Variants in PLA2R1 observed in about 807,000 individuals in gnomAD.
The protein encoded by PLA2R1 is secretory phospholipase A2 receptor.
A neutral mutation model predicts 195.9 loss-of-function variants in PLA2R1; 158 were observed. The ratio of observed to expected loss-of-function variants is 0.81; its 90% CI spans 0.71 to 0.92. PLA2R1 has a LOEUF of 0.92. Among genes scored for constraint, PLA2R1 ranks in the 40% least tolerant of loss-of-function variants. The probability of loss-of-function intolerance (pLI) is 0.00; values close to 1 mark genes in which losing one functional copy is unlikely to be tolerated. For synonymous variants in PLA2R1, 586 were observed against 598.2 expected (o/e 0.98, Z 0.30); for missense variants, 1,626 against 1,764.6 (o/e 0.92, Z 1.41).
chr2:159,964,528 TAGAA>T (rs1372545587), intron 20 of PLA2R1, among the ~76,000 whole-genome samples: 1 of 152,142 alleles, frequency 6.6e-6, no homozygotes, highest in East Asian at 1.9e-4. Context: ...TTATACCTGG[TAGAA>T]AGATTTTATA....
Position 160,022,991 on chromosome 2 carries a change from A to G in PLA2R1, c.1100-132T>C, listed in dbSNP as rs911385985. ...AACAGAAATATACAAAATGACATAT[A>G]TCATGGAATTCTAGATCTTCAGAGT... is the stretch of plus-strand genomic sequence containing the variant. On this transcript the variant is annotated intron_variant, in intron 6 of 29. Coordinates refer to ENST00000283243, the MANE Select transcript of PLA2R1 (RefSeq NM_007366.5). 6.4e-6 allele frequency: 4 copies of G among 627,806 alleles called. No individual in the cohort carries two copies. The Admixed American group carries it at 8.9e-5, about 14-fold the overall frequency. 38.9% of individuals were successfully genotyped at this position (627,806 alleles called of 1,614,324 possible).
In PLA2R1 at chr2:159,951,530, T is replaced by C; in HGVS notation, c.3350A>G (p.Asn1117Ser). 1 of 1,603,192 alleles carries C rather than the reference T, an allele frequency of 6.2e-7. No homozygotes were observed. Among genetic ancestry groups the C allele is most frequent in the East Asian group, 2.2e-5 (1 of 44,842 alleles). Residue 1117 changes from asparagine to serine, a missense_variant, in exon 24 of 30, where the codon AAT (asparagine) becomes AGT (serine). By Grantham distance (46) the Asn-to-Ser change is conservative. Coordinates refer to ENST00000283243, the MANE Select transcript of PLA2R1 (RefSeq NM_007366.5). ...VNTSDMYPMP[N>S]TLEYGNRTYK... ...AGTTCTGTTTCCATATTCTAAGGTA[T>C]TGGGCATTGGATACATATCAGATGT...
intron 4 of PLA2R1, among the ~76,000 whole-genome samples, chr2:160,029,222 T>C (rs959395493): frequency 9.9e-5 from 15 of 152,184 alleles, no homozygotes; most frequent in African/African-American, 3.4e-4. Flanking sequence ...GTTGTCAATC[T>C]AGACAAGGGT....
rs1472071116 is a variant in PLA2R1 at position 159,941,998 on chromosome 2, A to G, written c.4178-6T>C. ...AATGATGCTGTGACTTGGTCCTGAA[A>G]GAAGATATTTTTCTTAAAAAAAGAA... On this transcript the variant is annotated splice_polypyrimidine_tract_variant and splice_region_variant and intron_variant, in intron 29 of 29. Transcript: ENST00000283243. The G allele has an allele frequency of 6.2e-7, 1 of 1,609,990 alleles. No individual in the cohort carries two copies. The highest frequency in any genetic ancestry group is 2.2e-5 in the East Asian group (1 of 44,860).
Position 160,020,138 on chromosome 2 carries a change from T to C in PLA2R1, c.1420A>G (p.Arg474Gly), listed in dbSNP as rs894418369. The change falls in exon 8 of 30, where the codon AGA becomes GGA. Residue 474 changes from arginine (R) to glycine (G), a missense_variant. Transcript: ENST00000283243. The part of the protein sequence containing the change: ...HTLEPHIFPN[R>G]SQLCVSAEQS... ...TCTGCTGAGACACACAGCTGGCTTC[T>C]ATTTGGAAAAATGTGGGGCTCAAGT... is the stretch of plus-strand genomic sequence containing the variant. 4 of 1,613,852 alleles carry C rather than the reference T, an allele frequency of 2.5e-6. No homozygotes were observed. The African/African-American group carries it at 4.0e-5, about 16-fold the overall frequency.
At position 159,933,647 on chromosome 2, in the gene PLA2R1, G is replaced by A. The variant is rs1288596636; in HGVS notation, c.*8131C>T. 1.3e-5 allele frequency: 2 copies of A among 152,086 alleles called. No homozygotes were observed. Among genetic ancestry groups the A allele is most frequent in the African/African-American group, 2.4e-5 (1 of 41,380 alleles). The allele number at this position is 152,086 out of a possible 1,614,324, so 9.4% of individuals were successfully genotyped here. A position where few individuals can be genotyped will look rare whatever the true frequency, so the allele number is the denominator to read the frequency against. On this transcript the variant is annotated 3_prime_UTR_variant, in exon 30 of 30. Coordinates refer to ENST00000283243, the MANE Select transcript of PLA2R1 (RefSeq NM_007366.5). ...AGATGGGGTGTTATTGGTATTTATA[G>A]CCTCTGAGCACAGGACACTCTCTGG...
intron 12 of PLA2R1, among the ~76,000 whole-genome samples, chr2:159,984,745 T>C (rs193048878): frequency 6.6e-6 from 1 of 152,314 alleles, no homozygotes; most frequent in African/African-American, 2.4e-5. Context: ...CTGTTGGCTT[T>C]ATTTAAGATT....
At chr2:160,022,081 TA>T (rs1558946453) in intron 7 of PLA2R1, among the ~76,000 whole-genome samples, 1 of 152,172 alleles carries the variant, frequency 6.6e-6, no homozygotes, top group East Asian at 1.9e-4. Flanking sequence ...TTTGTATTTT[TA>T]AAAAACTGAA....
At chr2:159,942,864 A>G (rs1031897118) in intron 28 of PLA2R1, among the ~76,000 whole-genome samples, 3 of 152,242 alleles carry the variant, frequency 2.0e-5, no homozygotes, top group Non-Finnish European at 4.4e-5. Flanking sequence ...ATTTGTGAGC[A>G]AAAGAACTGC....
chr2:160,013,317 T>A lies in PLA2R1; in HGVS notation c.1610A>T (p.Asp537Val). The A allele has an allele frequency of 1.2e-6, 2 of 1,611,796 alleles. No homozygotes were observed. Among genetic ancestry groups the A allele is most frequent in the Non-Finnish European group, 1.7e-6 (2 of 1,178,046 alleles). Residue 537 changes from aspartate to valine, a missense_variant, in exon 10 of 30, where the codon GAC (aspartate) becomes GTC (valine). Asp to Val is a radical substitution (Grantham distance 152). Coordinates refer to ENST00000283243, the MANE Select transcript of PLA2R1 (RefSeq NM_007366.5). ...YKIDTVLRSF[D>V]QASSGYYCPP... ...ACAGTAATAACCGCTGGAAGCTTGG[T>A]CAAAGCTTCGAAGGACTGTGTCAAT...
chr2:159,955,601 C>T (rs1298750699), intron 22 of PLA2R1, 97 bp downstream of exon 22: 5 of 493,090 alleles, frequency 1.0e-5, no homozygotes, highest in Non-Finnish European at 1.3e-5. Flanking sequence ...TAAATTTATA[C>T]CTACAAAATA....
At chr2:160,051,205 T>C (rs1695191629) in intron 1 of PLA2R1, among the ~76,000 whole-genome samples, 1 of 152,222 alleles carries the variant, frequency 6.6e-6, no homozygotes, top group Admixed American at 6.5e-5. Context: ...TCAGTCTCTG[T>C]GCTGCTCCAT....
intron 3 of PLA2R1, among the ~76,000 whole-genome samples, chr2:160,033,959 G>A (rs1694016075): frequency 6.6e-6 from 1 of 152,174 alleles, no homozygotes; most frequent in Non-Finnish European, 1.5e-5. Flanking sequence ...GCAACCAGCT[G>A]AAGTCTAGGA....
At chr2:159,964,126 C>T (rs78745972) in intron 20 of PLA2R1, among the ~76,000 whole-genome samples, 88 of 152,138 alleles carry the variant, frequency 5.8e-4, no homozygotes, top group African/African-American at 2.0e-3. Flanking sequence ...AAACATCATG[C>T]GAATAGGCCA....
At chr2:160,029,958 T>C (rs1168047883) in intron 4 of PLA2R1, among the ~76,000 whole-genome samples, 1 of 152,222 alleles carries the variant, frequency 6.6e-6, no homozygotes, top group Non-Finnish European at 1.5e-5. Context: ...CCCTGACGGA[T>C]AAGGGTTATA....
intron 13 of PLA2R1, 59 bp downstream of exon 13, chr2:159,983,869 A>T: frequency 1.0e-6 from 1 of 960,450 alleles, no homozygotes; most frequent in Non-Finnish European, 1.6e-6. Flanking sequence ...ACCCCTCAGA[A>T]GCCATTACTG....
At chr2:160,024,629 C>G (rs998108223) in intron 6 of PLA2R1, among the ~76,000 whole-genome samples, 2 of 152,188 alleles carry the variant, frequency 1.3e-5, no homozygotes, top group Non-Finnish European at 2.9e-5. Flanking sequence ...GCAGCCCCAT[C>G]TCATGGGGGA....
chr2:160,042,790 TGTGTGTGTGC>T lies in PLA2R1; in HGVS notation c.494-602_494-593del, dbSNP rs1417860271. On this transcript the variant is annotated intron_variant, in intron 2 of 29. Coordinates refer to ENST00000283243, the MANE Select transcript of PLA2R1 (RefSeq NM_007366.5). ...AATAGGATGAGAAGACAGAGTGGGG[TGTGTGTGTGC>T]GTGTGTGTGTGTGTGTGTGTGTGTG... Among the ~76,000 whole-genome samples, 123 of 107,122 alleles carry T rather than the reference TGTGTGTGTGC, an allele frequency of 1.1e-3. 1 individual carries two copies. The East Asian group carries it at 0.042, about 36-fold the overall frequency. 70.3% of individuals were successfully genotyped at this position (107,122 alleles called of 152,430 possible). A position where few individuals can be genotyped will look rare whatever the true frequency, so the allele number is the denominator to read the frequency against.
intron 23 of PLA2R1, among the ~76,000 whole-genome samples, chr2:159,954,007 G>A (rs1190106336): frequency 2.6e-5 from 4 of 152,030 alleles, no homozygotes; most frequent in African/African-American, 9.7e-5. Flanking sequence ...CTAATTTTTT[G>A]TATTTTAGTA....
Sources: allele counts gnomAD v4.1 joint callset (sites outside exome capture counted in the v4.1 genomes callset), GRCh38; gene constraint gnomAD v4.1.1; transcripts MANE v1.5; gene names NCBI Gene and HGNC (gene_info 2026-07-23, HGNC 2026-07-21).